Variants in LRRC37A2 observed in about 807,000 individuals in gnomAD.
LRRC37A2 encodes leucine-rich repeat-containing protein 37A2.
LRRC37A2 carries 9 observed loss-of-function variants against 68.8 expected under a neutral mutation model. The ratio of observed to expected loss-of-function variants is 0.13; its 90% CI spans 0.08 to 0.23. The LOEUF (loss-of-function observed/expected upper bound fraction) is 0.23. Ranked by LOEUF, LRRC37A2 falls within the 10% of genes least tolerant of loss-of-function variation. The pLI is 1.00. For synonymous variants in LRRC37A2, 63 were observed against 367.6 expected (o/e 0.17, Z 9.48); for missense variants, 168 against 950.4 (o/e 0.18, Z 10.82).
At chr17:46,979,772 T>TA in the LRRC37A2 span, among the ~76,000 whole-genome samples, 2 of 130,408 alleles carry the variant, frequency 1.5e-5, no homozygotes, top group Non-Finnish European at 3.3e-5. Flanking sequence ...TTTTTTAAAT[T>TA]AAAAAATAAA....
chr17:46,795,793 C>A, the LRRC37A2 span, among the ~76,000 whole-genome samples: 27 of 152,254 alleles, frequency 1.8e-4, no homozygotes, highest in African/African-American at 5.5e-4. Flanking sequence ...GTGCTAGTAA[C>A]CCCCAGGCTT....
chr17:46,771,739 A>C, the LRRC37A2 span, among the ~76,000 whole-genome samples: 6 of 120,668 alleles, frequency 5.0e-5, no homozygotes, highest in Admixed American at 7.8e-5. Flanking sequence ...CGAAATCCCC[A>C]TTGAAGCGGC....
the LRRC37A2 span, chr17:46,886,193 A>C: frequency 2.6e-5 from 4 of 152,280 alleles, no homozygotes; most frequent in African/African-American, 9.6e-5. Context: ...TACCCATATC[A>C]GTACAGAAAG....
chr17:46,610,067 C>CCTTT, the LRRC37A2 span, among the ~76,000 whole-genome samples: 2 of 96,284 alleles, frequency 2.1e-5, no homozygotes, highest in African/African-American at 3.8e-5. Flanking sequence ...TTCTTTCTTT[C>CCTTT]CTTTCTTTCC....
the LRRC37A2 span, chr17:46,876,176 G>GCT: frequency 7.0e-7 from 1 of 1,438,066 alleles, no homozygotes; most frequent in Admixed American, 2.2e-5. Context: ...TGGGGTTGGT[G>GCT]CTCTGGGGGC....
chr17:46,890,466 C>G, the LRRC37A2 span, among the ~76,000 whole-genome samples: 756 of 152,220 alleles, frequency 5.0e-3, 5 homozygotes, highest in African/African-American at 0.017. Context: ...GACCAGGGAG[C>G]GGGAGGTCTT....
the LRRC37A2 span, among the ~76,000 whole-genome samples, chr17:46,766,742 CT>C: frequency 2.0e-5 from 3 of 152,170 alleles, no homozygotes; most frequent in African/African-American, 7.2e-5. Flanking sequence ...CCCCTACTCC[CT>C]ATGGCACAGA....
the LRRC37A2 span, chr17:46,768,503 T>G: frequency 6.2e-7 from 1 of 1,614,154 alleles, no homozygotes; most frequent in Admixed American, 1.7e-5. This position sits in a 1 kb window ranked among gnomAD's most constrained non-coding sequence, Gnocchi z 5.0. Context: ...TCCGGTCCCT[T>G]GTGCCAAAGG....
the LRRC37A2 span, among the ~76,000 whole-genome samples, chr17:46,760,651 GAAAAA>G: frequency 1.4e-5 from 2 of 137,974 alleles, no homozygotes; most frequent in Non-Finnish European, 3.2e-5. Flanking sequence ...AAAAAAAAAA[GAAAAA>G]AAAAGGAAAA....
chr17:46,713,906 A>G, the LRRC37A2 span: 1 of 1,612,860 alleles, frequency 6.2e-7, no homozygotes, highest in Non-Finnish European at 8.5e-7. Flanking sequence ...AGAGGAATCC[A>G]ACTTCCCGTT....
At chr17:46,947,825 A>G in the LRRC37A2 span, among the ~76,000 whole-genome samples, 2 of 152,112 alleles carry the variant, frequency 1.3e-5, no homozygotes, top group Non-Finnish European at 2.9e-5. Flanking sequence ...CTGGAGTGCA[A>G]TGGCACAATC....
At chr17:46,534,799 G>C (rs1315653395) in intron 6 of LRRC37A2, among the ~76,000 whole-genome samples, 1 of 147,688 alleles carries the variant, frequency 6.8e-6, no homozygotes, top group African/African-American at 2.7e-5. Flanking sequence ...CCCACCTCCC[G>C]GAGGGGGCGG....
the LRRC37A2 span, among the ~76,000 whole-genome samples, chr17:46,500,515 G>A: frequency 6.7e-6 from 1 of 149,754 alleles, no homozygotes; most frequent in Admixed American, 6.6e-5. Flanking sequence ...CTCCACTTCA[G>A]TTTTAGGAAG....
the LRRC37A2 span, chr17:46,876,256 T>G: frequency 2.5e-6 from 4 of 1,607,504 alleles, no homozygotes; most frequent in Non-Finnish European, 3.4e-6. Context: ...CTGTGAAGAG[T>G]GGCCTCAGGA....
the LRRC37A2 span, among the ~76,000 whole-genome samples, chr17:47,032,365 G>C: frequency 6.6e-6 from 1 of 150,884 alleles, no homozygotes; most frequent in Non-Finnish European, 1.5e-5. Context: ...CTATTTTGCA[G>C]ATGAGGAAGT....
At chr17:46,807,809 G>C in the LRRC37A2 span, among the ~76,000 whole-genome samples, 206 of 152,314 alleles carry the variant, frequency 1.4e-3, 1 homozygote, top group African/African-American at 4.8e-3. Flanking sequence ...AGGTCCACAC[G>C]GGTGCAAGGA....
the LRRC37A2 span, chr17:46,939,282 T>G: frequency 9.8e-7 from 1 of 1,024,964 alleles, no homozygotes; most frequent in Middle Eastern, 4.9e-4. Flanking sequence ...CTCAGTGACA[T>G]GTAGATGACT....
At chr17:46,392,509 TTCTCTCTCTCTCTCTC>T in the LRRC37A2 span, among the ~76,000 whole-genome samples, 1 of 42,292 alleles carries the variant, frequency 2.4e-5, no homozygotes, top group Middle Eastern at 8.5e-3. Context: ...TTTTCTCTCT[TTCTCTCTCTCTCTCTC>T]TCTCTCTCTC....
At chr17:46,852,725 T>C in the LRRC37A2 span, among the ~76,000 whole-genome samples, 2 of 152,054 alleles carry the variant, frequency 1.3e-5, no homozygotes, top group Admixed American at 1.3e-4. Flanking sequence ...TTTAAAATCT[T>C]CACCCCAAAT....
Sources: allele counts gnomAD v4.1 joint callset (sites outside exome capture counted in the v4.1 genomes callset), GRCh38; gene constraint gnomAD v4.1.1; non-coding constraint Gnocchi (gnomAD v3.1); transcripts MANE v1.5; gene names NCBI Gene and HGNC (gene_info 2026-07-23, HGNC 2026-07-21).